GRID1: variants seen among roughly 807,000 people sequenced by gnomAD.
The protein encoded by GRID1 is glutamate receptor ionotropic, delta-1.
Under a neutral mutation model 98.0 loss-of-function variants are expected in GRID1, and 28 were observed. The observed-to-expected ratio is 0.29, with a 90% CI of 0.21 to 0.39. GRID1 has a LOEUF of 0.39. Among genes scored for constraint, GRID1 ranks in the 10% least tolerant of loss-of-function variants. The probability of loss-of-function intolerance (pLI) is 1.00; values close to 1 mark genes in which losing one functional copy is unlikely to be tolerated. For missense variants in GRID1, 1,111 were observed against 1,340.5 expected (o/e 0.83, Z 2.67); for synonymous variants, 553 against 538.5 (o/e 1.03, Z -0.37).
intron 8 of GRID1, among the ~76,000 whole-genome samples, chr10:85,757,006 T>A (rs1348036895): frequency 6.6e-6 from 1 of 152,206 alleles, no homozygotes; most frequent in African/African-American, 2.4e-5. Context: ...GTTCTCATAG[T>A]CTGTCAGCTG....
At chr10:85,886,058 A>AC (rs1405463066) in intron 5 of GRID1, among the ~76,000 whole-genome samples, 1 of 150,106 alleles carries the variant, frequency 6.7e-6, no homozygotes, top group Non-Finnish European at 1.5e-5. Context: ...CTGGTCCCAG[A>AC]CCCAGAGCTG....
At chr10:86,055,981 C>A (rs1478044944) in intron 4 of GRID1, among the ~76,000 whole-genome samples, 2 of 152,182 alleles carry the variant, frequency 1.3e-5, no homozygotes, top group South Asian at 2.1e-4. Flanking sequence ...TTTAAGCCAC[C>A]CAGGCTATGG....
At chr10:85,827,994 T>A (rs1416214762) in intron 8 of GRID1, among the ~76,000 whole-genome samples, 1 of 152,092 alleles carries the variant, frequency 6.6e-6, no homozygotes, top group Admixed American at 6.5e-5. Context: ...TACTTCTCAT[T>A]TGCACATGGC....
chr10:85,672,390 C>T (rs1315205919), intron 12 of GRID1, among the ~76,000 whole-genome samples: 2 of 152,188 alleles, frequency 1.3e-5, no homozygotes, highest in Non-Finnish European at 1.5e-5. Context: ...TCACTGCAAC[C>T]TCCACCTCCC....
In GRID1 at chr10:86,307,525, C is replaced by T. The variant is rs115181273; in HGVS notation, c.235+56416G>A. Among the ~76,000 whole-genome samples the T allele has an allele frequency of 9.3e-3, 1,422 of 152,106 alleles. 21 individuals carry two copies. Among genetic ancestry groups the T allele is most frequent in the African/African-American group, 0.032 (1,308 of 41,476 alleles). On this transcript the variant is annotated intron_variant, in intron 2 of 15. Coordinates refer to ENST00000327946, the MANE Select transcript of GRID1 (RefSeq NM_017551.3). Reference sequence around the variant, plus strand: ...AAAGCAGAGCATAGAAAGGTGGTTGCCAGGAGCTGCTGTGGGGGGGAATGG... The same window carrying T: ...AAAGCAGAGCATAGAAAGGTGGTTGTCAGGAGCTGCTGTGGGGGGGAATGG...
intron 2 of GRID1, among the ~76,000 whole-genome samples, chr10:86,285,336 A>G (rs561599757): frequency 6.6e-6 from 1 of 152,310 alleles, no homozygotes; most frequent in African/African-American, 2.4e-5. Flanking sequence ...CGCCCTGCAC[A>G]TGACACTCAT....
intron 4 of GRID1, among the ~76,000 whole-genome samples, chr10:85,947,092 G>C (rs1409167251): frequency 6.6e-6 from 1 of 152,182 alleles, no homozygotes; most frequent in Non-Finnish European, 1.5e-5. Context: ...AAATCAGAGA[G>C]GCTCCTCCAG....
intron 8 of GRID1, among the ~76,000 whole-genome samples, chr10:85,810,222 G>A (rs1048769621): frequency 6.6e-6 from 1 of 151,224 alleles, no homozygotes; most frequent in African/African-American, 2.4e-5. Flanking sequence ...TCTGCCCTGG[G>A]GGCCAGTAGC....
At chr10:85,622,056 A>C (rs1278833120) in intron 13 of GRID1, among the ~76,000 whole-genome samples, 1 of 152,188 alleles carries the variant, frequency 6.6e-6, no homozygotes, top group African/African-American at 2.4e-5. Context: ...AAAACAAAAT[A>C]TGCTGGCTTA....
chr10:86,196,587 C>T (rs1845876588), intron 3 of GRID1, among the ~76,000 whole-genome samples: 2 of 152,134 alleles, frequency 1.3e-5, no homozygotes, highest in African/African-American at 2.4e-5. Context: ...AAGCCAGGCT[C>T]ACCCACCAGA....
At chr10:85,758,879 C>T (rs1842122792) in intron 8 of GRID1, among the ~76,000 whole-genome samples, 1 of 152,174 alleles carries the variant, frequency 6.6e-6, no homozygotes, top group Non-Finnish European at 1.5e-5. Flanking sequence ...GGAACAGACT[C>T]CAGACAAGCT....
intron 8 of GRID1, among the ~76,000 whole-genome samples, chr10:85,732,580 C>T (rs1841838093): frequency 6.6e-6 from 1 of 152,126 alleles, no homozygotes; most frequent in African/African-American, 2.4e-5. Flanking sequence ...CTGCTTCTGG[C>T]TCACTGCTTG....
chr10:85,983,316 C>T (rs1235924401), intron 4 of GRID1, among the ~76,000 whole-genome samples: 1 of 152,188 alleles, frequency 6.6e-6, no homozygotes, highest in African/African-American at 2.4e-5. Context: ...ACAGAAGGCC[C>T]AGAGGGGAAG....
At chr10:86,035,782 G>C (rs1039612801) in intron 4 of GRID1, among the ~76,000 whole-genome samples, 3 of 152,114 alleles carry the variant, frequency 2.0e-5, no homozygotes, top group Non-Finnish European at 4.4e-5. Context: ...ACATAATATG[G>C]AACATAAATC....
intron 12 of GRID1, among the ~76,000 whole-genome samples, chr10:85,702,227 A>G (rs1841459625): frequency 6.6e-6 from 1 of 152,108 alleles, no homozygotes. Flanking sequence ...AAATGAAAGA[A>G]GTACTAGCAG....
intron 12 of GRID1, among the ~76,000 whole-genome samples, chr10:85,678,222 T>C (rs1042296910): frequency 1.1e-4 from 16 of 152,084 alleles, no homozygotes; most frequent in Non-Finnish European, 2.2e-4. Flanking sequence ...GAAAGGGGAA[T>C]GATCACCTTC....
chr10:86,217,295 C>T (rs1421660730), intron 2 of GRID1, among the ~76,000 whole-genome samples: 2 of 152,212 alleles, frequency 1.3e-5, no homozygotes, highest in Non-Finnish European at 2.9e-5. Context: ...CCTCCCTGAG[C>T]CTCTATCCCT....
intron 12 of GRID1, among the ~76,000 whole-genome samples, chr10:85,696,408 CAGAG>C (rs1046739861): frequency 2.6e-5 from 4 of 151,604 alleles, no homozygotes; most frequent in Non-Finnish European, 5.9e-5. Context: ...GGTAAAAAAG[CAGAG>C]AGAAAGGTGC....
chr10:86,017,141 A>G (rs1842990299), intron 4 of GRID1, among the ~76,000 whole-genome samples: 1 of 152,214 alleles, frequency 6.6e-6, no homozygotes, highest in South Asian at 2.1e-4. Context: ...CCAACCACTT[A>G]CTTGCTATGT....
Sources: gnomAD v4.1 joint callset for allele counts (sites outside exome capture counted in the v4.1 genomes callset) on GRCh38, gnomAD v4.1.1 for gene constraint, MANE v1.5 for transcripts, NCBI Gene and HGNC (gene_info 2026-07-23, HGNC 2026-07-21) for gene names.